Variants in KCNMA1 observed in about 807,000 individuals in gnomAD.
KCNMA1 encodes Calcium-activated potassium channel subunit alpha-1.
KCNMA1 carries 29 observed loss-of-function variants against 140.0 expected under a neutral mutation model. That is an observed-to-expected ratio of 0.21 (90% confidence interval 0.15 to 0.28). The LOEUF (loss-of-function observed/expected upper bound fraction) is 0.28. KCNMA1 is among the 10% of genes least tolerant of loss of function. The pLI is 1.00. For missense variants in KCNMA1, 880 were observed against 1,602.2 expected (o/e 0.55, Z 7.70); for synonymous variants, 612 against 611.9 (o/e 1.00, Z 0.00).
rs1326570648 is a variant in KCNMA1 at position 77,637,617 on chromosome 10, C to T, written c.26G>A (p.Gly9Asp). The T allele has an allele frequency of 6.6e-7, 1 of 1,523,732 alleles. No homozygotes were observed. Among genetic ancestry groups the T allele is most frequent in the Admixed American group, 2.0e-5 (1 of 49,830 alleles). 94.4% of individuals were successfully genotyped at this position (1,523,732 alleles called of 1,614,324 possible). A position where few individuals can be genotyped will look rare whatever the true frequency, so the allele number is the denominator to read the frequency against. Residue 9 changes from glycine (G) to aspartate (D), a missense_variant, in exon 1 of 28, where the codon GGC becomes GAC. Gly to Asp is a moderately conservative substitution (Grantham distance 94). Transcript: ENST00000286628. ...GCCGCCGCCGCCGCCGCTGCTGCCG[C>T]CGCCGCCGCCGCCACCATTTGCCAT... The part of the protein sequence containing the change: MANGGGGG[G>D]GSSGGGGGGG...
intron 6 of KCNMA1, among the ~76,000 whole-genome samples, chr10:77,115,987 A>G (rs1309873951): frequency 2.0e-5 from 3 of 152,172 alleles, no homozygotes; most frequent in Non-Finnish European, 2.9e-5. Flanking sequence ...AGAGTGAGGC[A>G]CGCCAGGAGC....
chr10:77,442,970 T>C (rs1247866802), intron 1 of KCNMA1, among the ~76,000 whole-genome samples: 1 of 152,226 alleles, frequency 6.6e-6, no homozygotes, highest in Non-Finnish European at 1.5e-5. Context: ...TCCGCATAGG[T>C]GGCCAAGGTG....
In KCNMA1 at chr10:77,637,594, CGCCGCCGCCGCCGCT is replaced by C. The variant is rs2093898757; in HGVS notation, c.34_48del (p.Ser12_Gly16del). 7.2e-6 allele frequency: 11 copies of C among 1,526,444 alleles called. No individual in the cohort carries two copies. Among genetic ancestry groups the C allele is most frequent in the South Asian group, 1.2e-5 (1 of 82,836 alleles). 94.6% of individuals were successfully genotyped at this position (1,526,444 alleles called of 1,614,324 possible). A position where few individuals can be genotyped will look rare whatever the true frequency, so the allele number is the denominator to read the frequency against. On this transcript the variant is annotated inframe_deletion, in exon 1 of 28. Transcript: ENST00000286628. ...ATTCTAAGACTGCTGCCTCCGCCGC[CGCCGCCGCCGCCGCT>C]GCTGCCGCCGCCGCCGCCGCCACCA...
At chr10:77,289,872 G>C (rs1336099851) in intron 2 of KCNMA1, among the ~76,000 whole-genome samples, 1 of 152,076 alleles carries the variant, frequency 6.6e-6, no homozygotes, top group Non-Finnish European at 1.5e-5. Context: ...TCAATTGATT[G>C]TTGATTTTAA....
rs146204060 is a variant in KCNMA1 at position 77,620,240 on chromosome 10, G to A, written c.378+17025C>T. Among the ~76,000 whole-genome samples, 821 of 152,256 alleles carry A rather than the reference G, an allele frequency of 5.4e-3. 3 individuals carry two copies. The highest frequency in any genetic ancestry group is 9.4e-3 in the Non-Finnish European group (639 of 68,000). On this transcript the variant is annotated intron_variant, in intron 1 of 27. Transcript: ENST00000286628. Reference sequence around the variant, plus strand: ...CAACCATCCTCACCACAGCCTGCCAGCCTCAGAGGCTGGGCCTGGCCGCCG... The same window carrying A: ...CAACCATCCTCACCACAGCCTGCCAACCTCAGAGGCTGGGCCTGGCCGCCG...
intron 1 of KCNMA1, among the ~76,000 whole-genome samples, chr10:77,428,287 G>GAGCC (rs2097070823): frequency 6.6e-6 from 1 of 152,154 alleles, no homozygotes; most frequent in Non-Finnish European, 1.5e-5. Flanking sequence ...GCTCATCACT[G>GAGCC]CCTATGTTGC....
Position 76,886,783 on chromosome 10 carries a change from C to A in KCNMA1, c.*483G>T. On this transcript the variant is annotated 3_prime_UTR_variant, in exon 28 of 28. Coordinates refer to ENST00000286628, the MANE Select transcript of KCNMA1 (RefSeq NM_001161352.2). ...ATATGTTTTCATTGCTGTTTGGTTG[C>A]TTGTTTCAAATAAACATGTGCTAAC... 2.6e-5 allele frequency: 27 copies of A among 1,026,596 alleles called. No homozygotes were observed. Among genetic ancestry groups the A allele is most frequent in the Non-Finnish European group, 3.2e-5 (27 of 854,146 alleles). The allele number at this position is 1,026,596 out of a possible 1,614,324, so 63.6% of individuals were successfully genotyped here. A position where few individuals can be genotyped will look rare whatever the true frequency, so the allele number is the denominator to read the frequency against.
At chr10:77,152,068 C>T (rs975350064) in intron 5 of KCNMA1, among the ~76,000 whole-genome samples, 1 of 152,102 alleles carries the variant, frequency 6.6e-6, no homozygotes, top group African/African-American at 2.4e-5. Context: ...TGAAGACAGG[C>T]CTGGACTAAT....
intron 9 of KCNMA1, chr10:77,090,865 T>A (rs2096796588): frequency 3.0e-6 from 1 of 330,038 alleles, no homozygotes; most frequent in South Asian, 3.5e-5. Context: ...TATCTCTCCC[T>A]TTCTGCCCAC....
chr10:77,637,586 T>TCCG lies in KCNMA1; in HGVS notation c.54_56dup (p.Gly20dup), dbSNP rs760628050. 5.6e-4 allele frequency: 858 copies of TCCG among 1,524,852 alleles called. 1 individual carries two copies. Among genetic ancestry groups the TCCG allele is most frequent in the Admixed American group, 1.3e-3 (65 of 49,924 alleles). The allele number at this position is 1,524,852 out of a possible 1,614,324, so 94.5% of individuals were successfully genotyped here. On this transcript the variant is annotated inframe_insertion, in exon 1 of 28. Coordinates refer to ENST00000286628, the MANE Select transcript of KCNMA1 (RefSeq NM_001161352.2). Reference sequence around the variant, plus strand: ...TGCTACTCATTCTAAGACTGCTGCCTCCGCCGCCGCCGCCGCCGCCGCTGC... The same window carrying TCCG: ...TGCTACTCATTCTAAGACTGCTGCCTCCGCCGCCGCCGCCGCCGCCGCCGCTGC...
intron 2 of KCNMA1, among the ~76,000 whole-genome samples, chr10:77,284,815 G>A (rs968311894): frequency 4.6e-5 from 7 of 152,032 alleles, no homozygotes; most frequent in Non-Finnish European, 8.8e-5. Flanking sequence ...CGCCCAACGA[G>A]ACTCTGTTAA....
chr10:76,992,334 C>T (rs529002659), intron 19 of KCNMA1, among the ~76,000 whole-genome samples: 2 of 152,328 alleles, frequency 1.3e-5, no homozygotes, highest in South Asian at 4.1e-4. Flanking sequence ...CCAAAGCAGG[C>T]ACTATCTAGC....
At chr10:77,378,195 G>A (rs1222944660) in intron 2 of KCNMA1, among the ~76,000 whole-genome samples, 1 of 152,144 alleles carries the variant, frequency 6.6e-6, no homozygotes, top group Non-Finnish European at 1.5e-5. Flanking sequence ...GCCATGAAAA[G>A]AACACCCACT....
At chr10:77,287,054 A>G (rs756944347) in intron 2 of KCNMA1, among the ~76,000 whole-genome samples, 38 of 152,232 alleles carry the variant, frequency 2.5e-4, no homozygotes, top group Non-Finnish European at 5.3e-4. Flanking sequence ...GTGTGTATAC[A>G]TGGGAAACAG....
At chr10:77,550,700 G>C (rs1035623000) in intron 1 of KCNMA1, among the ~76,000 whole-genome samples, 4 of 152,160 alleles carry the variant, frequency 2.6e-5, no homozygotes, top group Admixed American at 6.5e-5. Flanking sequence ...GTACTCCCTC[G>C]AAGCACATCT....
intron 2 of KCNMA1, among the ~76,000 whole-genome samples, chr10:77,279,562 A>C (rs944707140): frequency 2.0e-5 from 3 of 152,186 alleles, no homozygotes; most frequent in African/African-American, 7.2e-5. Flanking sequence ...GCCAAGCCCA[A>C]ACGTCACACA....
intron 1 of KCNMA1, among the ~76,000 whole-genome samples, chr10:77,506,592 A>AGTGTGTGTGTGTGTGTGT (rs1303397612): frequency 1.2e-4 from 10 of 83,060 alleles, no homozygotes; most frequent in African/African-American, 7.3e-4. Flanking sequence ...AGAGAGAGAG[A>AGTGTGTGTGTGTGTGTGT]GAGAGTGTGT....
rs781228418 is a variant in KCNMA1 at position 76,970,043 on chromosome 10, A to C, written c.2291T>G (p.Leu764Arg). The C allele has an allele frequency of 6.2e-7, 1 of 1,613,784 alleles. No individual in the cohort carries two copies. ...RAFEDEQPST[L>R]SPKKKQRNGG... is the part of the protein sequence containing the mutation. ...ATTCCGTTGCTTTTTTTTTGGTGAT[A>C]GTGTTGACGGCTGCTCATCTTCAAC... The change falls in exon 20 of 28, where the codon CTA becomes CGA. Residue 764 changes from leucine to arginine, a missense_variant. This residue lies in a region of KCNMA1 where 196 missense variants were observed against 233.0 expected (regional missense o/e 0.84). Transcript: ENST00000286628.
chr10:77,297,635 C>G (rs184133105), intron 2 of KCNMA1, among the ~76,000 whole-genome samples: 3 of 152,212 alleles, frequency 2.0e-5, no homozygotes, highest in Admixed American at 1.3e-4. Context: ...TTGTAAAGCT[C>G]TAAATACACG....
Sources: allele counts gnomAD v4.1 joint callset (sites outside exome capture counted in the v4.1 genomes callset), GRCh38; gene constraint gnomAD v4.1.1; regional missense constraint gnomAD v4.1.1; transcripts MANE v1.5; gene names NCBI Gene and HGNC (gene_info 2026-07-23, HGNC 2026-07-21).